SFMBT2: variants seen among roughly 807,000 people sequenced by gnomAD.
SFMBT2 encodes the protein scm-like with four MBT domains protein 2.
Under a neutral mutation model 110.1 loss-of-function variants are expected in SFMBT2, and 38 were observed. The ratio of observed to expected loss-of-function variants is 0.35; its 90% CI spans 0.27 to 0.45. The LOEUF is 0.45. Among genes scored for constraint, SFMBT2 ranks in the 20% least tolerant of loss-of-function variants. SFMBT2 has a pLI of 1.00. For synonymous variants in SFMBT2, 425 were observed against 425.4 expected (o/e 1.00, Z 0.01); for missense variants, 1,011 against 1,094.9 (o/e 0.92, Z 1.08).
rs187602314 is a variant in SFMBT2 at position 7,334,068 on chromosome 10, C to A, written c.436+33581G>T. Among the ~76,000 whole-genome samples, 232 of 152,288 alleles carry A rather than the reference C, an allele frequency of 1.5e-3. 1 individual carries two copies. Among genetic ancestry groups the A allele is most frequent in the African/African-American group, 5.2e-3 (217 of 41,558 alleles). Reference sequence around the variant, plus strand: ...CACACACACCGGATGTGCTACGCGACGGCTCTTCCCCTGCCTCCGACAACA... The same window carrying A: ...CACACACACCGGATGTGCTACGCGAAGGCTCTTCCCCTGCCTCCGACAACA... On this transcript the variant is annotated intron_variant, in intron 4 of 20. Transcript: ENST00000397167.
chr10:7,372,328 T>C (rs886937103), intron 2 of SFMBT2, among the ~76,000 whole-genome samples: 9 of 152,254 alleles, frequency 5.9e-5, no homozygotes, highest in Admixed American at 3.9e-4. Flanking sequence ...AAGAGCTGAA[T>C]TGAAAGGCTA....
chr10:7,317,025 T>A (rs1180820168), intron 4 of SFMBT2, among the ~76,000 whole-genome samples: 1 of 152,194 alleles, frequency 6.6e-6, no homozygotes, highest in Non-Finnish European at 1.5e-5. Context: ...GTGTACTAAA[T>A]GAGCACATAC....
chr10:7,391,465 CAAA>C (rs1197734483), intron 1 of SFMBT2, among the ~76,000 whole-genome samples: 3 of 81,192 alleles, frequency 3.7e-5, no homozygotes, highest in African/African-American at 7.6e-5. Flanking sequence ...GACTCTGTCT[CAAA>C]AAAAAAAAAA....
Position 7,385,908 on chromosome 10 carries a change from G to C in SFMBT2, c.-51-3959C>G, listed in dbSNP as rs570854516. 5.3e-5 allele frequency among the ~76,000 whole-genome samples: 8 copies of C among 152,242 alleles called. No homozygotes were observed. In the South Asian group the frequency reaches 1.5e-3, roughly 28 times the overall value. The stretch of plus-strand genomic sequence containing the variant: ...CCAGCTACTCAGGAGACTGAGGCAG[G>C]AGAATGGCGTGAACCCGGGAGGCAG... On this transcript the variant is annotated intron_variant, in intron 1 of 20. Coordinates refer to ENST00000397167, the MANE Select transcript of SFMBT2 (RefSeq NM_001387889.1).
At chr10:7,384,290 C>T (rs895566137) in intron 1 of SFMBT2, among the ~76,000 whole-genome samples, 25 of 143,476 alleles carry the variant, frequency 1.7e-4, no homozygotes, top group Admixed American at 4.3e-4. Flanking sequence ...ATGGACATGA[C>T]GTGCTCACTG....
chr10:7,368,650 A>C lies in SFMBT2; in HGVS notation c.196-761T>G, dbSNP rs577434167. Among the ~76,000 whole-genome samples, 11 of 152,370 alleles carry C rather than the reference A, an allele frequency of 7.2e-5. No individual in the cohort carries two copies. The South Asian group carries it at 2.3e-3, about 32-fold the overall frequency. On this transcript the variant is annotated intron_variant, in intron 3 of 20. Coordinates refer to ENST00000397167, the MANE Select transcript of SFMBT2 (RefSeq NM_001387889.1). ...GGAAGGATTGACTGAATCAAAGAAA[A>C]TAGGAGTGACTCCATACAGAGAGAA...
chr10:7,273,111 T>C lies in SFMBT2; in HGVS notation c.870+3781A>G, dbSNP rs541287517. Among the ~76,000 whole-genome samples the C allele has an allele frequency of 3.9e-5, 6 of 152,318 alleles. No individual in the cohort carries two copies. In the South Asian group the frequency reaches 1.2e-3, roughly 32 times the overall value. Reference sequence around the variant, plus strand: ...ACGCCCCAGCCAAAACCTCTGATTCTTGAGACAAATGATAGCTCACCTAAA... The same window carrying C: ...ACGCCCCAGCCAAAACCTCTGATTCCTGAGACAAATGATAGCTCACCTAAA... On this transcript the variant is annotated intron_variant, in intron 7 of 20. Coordinates refer to ENST00000397167, the MANE Select transcript of SFMBT2 (RefSeq NM_001387889.1).
chr10:7,325,676 C>T (rs1365359594), intron 4 of SFMBT2, among the ~76,000 whole-genome samples: 1 of 152,170 alleles, frequency 6.6e-6, no homozygotes, highest in Non-Finnish European at 1.5e-5. Flanking sequence ...ACAACTCTAC[C>T]AGAAGGTACA....
intron 4 of SFMBT2, among the ~76,000 whole-genome samples, chr10:7,331,842 GA>G (rs1470505007): frequency 6.6e-6 from 1 of 151,586 alleles, no homozygotes; most frequent in Admixed American, 6.6e-5. Flanking sequence ...TGTCTCTACT[GA>G]AAAAAACAAT....
intron 7 of SFMBT2, among the ~76,000 whole-genome samples, chr10:7,267,446 GTCTT>G (rs1052936146): frequency 3.9e-5 from 6 of 152,274 alleles, no homozygotes; most frequent in African/African-American, 1.2e-4. Context: ...AAGTGCAGTT[GTCTT>G]TCTGTTTGTT....
intron 7 of SFMBT2, among the ~76,000 whole-genome samples, chr10:7,265,614 T>A (rs191426836): frequency 1.2e-4 from 19 of 152,318 alleles, no homozygotes; most frequent in Non-Finnish European, 1.9e-4. Context: ...GCTGGGGTAT[T>A]TTTAGTTGAT....
intron 10 of SFMBT2, among the ~76,000 whole-genome samples, chr10:7,220,888 G>A (rs1839710129): frequency 6.7e-6 from 1 of 149,754 alleles, no homozygotes; most frequent in Admixed American, 6.6e-5. Context: ...GTGCAGTGGC[G>A]TGATCTCGGC....
intron 4 of SFMBT2, among the ~76,000 whole-genome samples, chr10:7,357,730 G>C (rs908880686): frequency 6.6e-6 from 1 of 152,174 alleles, no homozygotes; most frequent in Admixed American, 6.5e-5. Flanking sequence ...TTGAACTGAA[G>C]GTCGTACTCA....
chr10:7,172,615 C>A lies in SFMBT2; in HGVS notation c.2031G>T (p.Gly677=). Reference sequence around the variant, plus strand: ...GGTGTCCGCTGTCGGGGTTGCTTTCCCCGATGGGGGGCTTGGAGATCTTCT... The same window carrying A: ...GGTGTCCGCTGTCGGGGTTGCTTTCACCGATGGGGGGCTTGGAGATCTTCT... ...KRKKISKPPI[G]ESNPDSGHPK... The change falls in exon 18 of 21, where the codon GGG becomes GGT. Residue 677 remains glycine (G), a synonymous_variant. Coordinates refer to ENST00000397167, the MANE Select transcript of SFMBT2 (RefSeq NM_001387889.1). The surrounding 1 kb of genome is among the most constrained non-coding windows in gnomAD (Gnocchi z 4.6). 1 of 1,614,212 alleles carries A rather than the reference C, an allele frequency of 6.2e-7. No individual in the cohort carries two copies. Among genetic ancestry groups the A allele is most frequent in the Non-Finnish European group, 8.5e-7 (1 of 1,180,032 alleles).
intron 12 of SFMBT2, chr10:7,204,410 A>G: frequency 1.0e-6 from 1 of 985,450 alleles, no homozygotes; most frequent in Non-Finnish European, 1.2e-6. Flanking sequence ...TTCCATCAAG[A>G]AAATGTCAGA....
At chr10:7,360,424 G>A (rs181214626) in intron 4 of SFMBT2, among the ~76,000 whole-genome samples, 3 of 151,856 alleles carry the variant, frequency 2.0e-5, no homozygotes, top group East Asian at 1.9e-4. Context: ...CCAAAATTAC[G>A]CCACTACATT....
chr10:7,398,747 T>A (rs971048390), intron 1 of SFMBT2, among the ~76,000 whole-genome samples: 2 of 152,170 alleles, frequency 1.3e-5, no homozygotes, highest in Non-Finnish European at 2.9e-5. Flanking sequence ...AAGGAATAAA[T>A]TAGAGCATCC....
chr10:7,397,791 T>A (rs1229326309), intron 1 of SFMBT2, among the ~76,000 whole-genome samples: 1 of 152,244 alleles, frequency 6.6e-6, no homozygotes, highest in African/African-American at 2.4e-5. Context: ...AGCACTATTA[T>A]CAACGCGAGC....
At chr10:7,250,292 G>A (rs989457231) in intron 7 of SFMBT2, among the ~76,000 whole-genome samples, 2 of 151,976 alleles carry the variant, frequency 1.3e-5, no homozygotes, top group African/African-American at 2.4e-5. Flanking sequence ...GTTTACATCC[G>A]TGTGTGCTCA....
Sources: gnomAD v4.1 joint callset for allele counts (sites outside exome capture counted in the v4.1 genomes callset) on GRCh38, gnomAD v4.1.1 for gene constraint, Gnocchi (gnomAD v3.1) non-coding constraint, MANE v1.5 for transcripts, NCBI Gene and HGNC (gene_info 2026-07-23, HGNC 2026-07-21) for gene names.